Variants in BANK1 observed in about 807,000 individuals in gnomAD.
BANK1 encodes B cell scaffold protein with ankyrin repeats 1.
BANK1 carries 95 observed loss-of-function variants against 94.5 expected under a neutral mutation model. That is an observed-to-expected ratio of 1.00 (90% confidence interval 0.85 to 1.19). The LOEUF (loss-of-function observed/expected upper bound fraction) is 1.19, where lower values mean the gene tolerates loss of function less well. Ranked by LOEUF, BANK1 falls within the 50% of genes most tolerant of loss-of-function variation. The probability of loss-of-function intolerance (pLI) is 0.00; values close to 1 mark genes in which losing one functional copy is unlikely to be tolerated. For synonymous variants in BANK1, 334 were observed against 308.4 expected, an observed-to-expected ratio of 1.08 and a Z score of -0.87; for missense variants, 987 against 932.2, an observed-to-expected ratio of 1.06 and a Z score of -0.77.
At chr4:101,893,451 GC>G (rs1721952244) in intron 5 of BANK1, among the ~76,000 whole-genome samples, 1 of 151,888 alleles carries the variant, frequency 6.6e-6, no homozygotes, top group South Asian at 2.1e-4. Flanking sequence ...AATGTCAATG[GC>G]TAGATAATAT....
intron 11 of BANK1, among the ~76,000 whole-genome samples, chr4:102,058,190 T>G (rs1728292124): frequency 6.6e-6 from 1 of 152,120 alleles, no homozygotes; most frequent in African/African-American, 2.4e-5. Context: ...TAAATAATTT[T>G]AATGAAAAGC....
chr4:102,007,011 G>A (rs1326530755), intron 7 of BANK1, among the ~76,000 whole-genome samples: 1 of 137,508 alleles, frequency 7.3e-6, no homozygotes, highest in Non-Finnish European at 1.5e-5. Flanking sequence ...TAGTGAGCAA[G>A]TCAGAAAAAG....
intron 7 of BANK1, among the ~76,000 whole-genome samples, chr4:101,985,532 T>C (rs1283343892): frequency 6.6e-6 from 1 of 152,124 alleles, no homozygotes; most frequent in Non-Finnish European, 1.5e-5. Flanking sequence ...TTTCATAATA[T>C]TGGGTAAAGG....
At chr4:101,889,604 C>CAAAAAA (rs59341810) in intron 5 of BANK1, among the ~76,000 whole-genome samples, 12 of 54,920 alleles carry the variant, frequency 2.2e-4, no homozygotes, top group South Asian at 1.0e-3. Flanking sequence ...GACTCCGTCT[C>CAAAAAA]AAAAAAAAAA....
Position 101,896,925 on chromosome 4 carries a change from C to A in BANK1, c.1009+1515C>A, listed in dbSNP as rs1722101812. On this transcript the variant is annotated intron_variant, in intron 6 of 16. Transcript: ENST00000322953. The stretch of plus-strand genomic sequence containing the variant: ...ATAAATTTTGGTGCATCTATTAATA[C>A]AACCATCAGAAATTAATGTTATTGT... Among the ~76,000 whole-genome samples the A allele has an allele frequency of 2.6e-5, 4 of 152,022 alleles. No individual in the cohort carries two copies. The South Asian group carries it at 8.3e-4, about 32-fold the overall frequency.
intron 6 of BANK1, among the ~76,000 whole-genome samples, chr4:101,912,449 C>G (rs1722693857): frequency 6.6e-6 from 1 of 151,888 alleles, no homozygotes; most frequent in Non-Finnish European, 1.5e-5. Context: ...ATCTGCCTCA[C>G]TGTATTGGTC....
intron 7 of BANK1, among the ~76,000 whole-genome samples, chr4:101,968,084 C>G (rs1560657839): frequency 6.6e-6 from 1 of 151,874 alleles, no homozygotes; most frequent in Non-Finnish European, 1.5e-5. Flanking sequence ...ATTTCTTATC[C>G]ATGGAAGGTA....
chr4:101,941,742 T>C (rs1347895870), intron 7 of BANK1, among the ~76,000 whole-genome samples: 13 of 149,672 alleles, frequency 8.7e-5, no homozygotes, highest in Non-Finnish European at 1.9e-4. Context: ...GATGTGTGTG[T>C]ACACACACAC....
intron 10 of BANK1, among the ~76,000 whole-genome samples, chr4:102,038,305 C>T (rs1033612564): frequency 6.6e-6 from 1 of 152,122 alleles, no homozygotes; most frequent in African/African-American, 2.4e-5. Flanking sequence ...TTGATAATCA[C>T]TAAGCATGAA....
intron 7 of BANK1, among the ~76,000 whole-genome samples, chr4:101,942,814 A>T (rs181241185): frequency 2.0e-5 from 3 of 152,068 alleles, no homozygotes; most frequent in Admixed American, 1.3e-4. Flanking sequence ...TAAAAATAAA[A>T]TGTTTAATTC....
At chr4:101,922,423 G>A (rs1723029814) in intron 7 of BANK1, among the ~76,000 whole-genome samples, 1 of 151,666 alleles carries the variant, frequency 6.6e-6, no homozygotes, top group African/African-American at 2.4e-5. Flanking sequence ...TTTCTTATAA[G>A]TCTGGAAGCT....
intron 10 of BANK1, among the ~76,000 whole-genome samples, chr4:102,041,745 G>A (rs941186320): frequency 6.6e-6 from 1 of 151,912 alleles, no homozygotes; most frequent in Non-Finnish European, 1.5e-5. Context: ...CAGCTGTTCC[G>A]AATATAAGCC....
At chr4:101,956,750 C>G (rs548035055) in intron 7 of BANK1, among the ~76,000 whole-genome samples, 1 of 152,236 alleles carries the variant, frequency 6.6e-6, no homozygotes, top group South Asian at 2.1e-4. Context: ...AAAAAATGCT[C>G]CCTTGAAATT....
intron 7 of BANK1, among the ~76,000 whole-genome samples, chr4:101,947,614 G>A (rs1025338544): frequency 2.0e-5 from 3 of 151,340 alleles, no homozygotes; most frequent in Non-Finnish European, 4.4e-5. Context: ...TATTCTTTAT[G>A]ATTCATTAAT....
chr4:101,998,474 A>ACTAT (rs1725955208), intron 7 of BANK1, among the ~76,000 whole-genome samples: 1 of 152,200 alleles, frequency 6.6e-6, no homozygotes, highest in East Asian at 1.9e-4. Context: ...ATCCTTGTTA[A>ACTAT]CTATCTGTCT....
chr4:102,065,607 G>A (rs1728565113), intron 13 of BANK1, among the ~76,000 whole-genome samples: 1 of 151,990 alleles, frequency 6.6e-6, no homozygotes. Context: ...TGAGATGTTG[G>A]ATGTTGTTGA....
intron 7 of BANK1, among the ~76,000 whole-genome samples, chr4:101,930,782 C>G (rs1317341487): frequency 6.6e-6 from 1 of 151,478 alleles, no homozygotes; most frequent in Non-Finnish European, 1.5e-5. Flanking sequence ...CAGTGTAGCT[C>G]TACATGCTTT....
At chr4:101,880,572 A>G (rs1367021403) in intron 5 of BANK1, among the ~76,000 whole-genome samples, 2 of 152,098 alleles carry the variant, frequency 1.3e-5, no homozygotes, top group Non-Finnish European at 2.9e-5. Context: ...ATAGAAAAAA[A>G]ACTATCCTAA....
At chr4:101,885,593 A>G (rs1469349562) in intron 5 of BANK1, among the ~76,000 whole-genome samples, 1 of 152,160 alleles carries the variant, frequency 6.6e-6, no homozygotes, top group Non-Finnish European at 1.5e-5. Flanking sequence ...CATCTTATAC[A>G]ACTCCCTGTA....
Sources: allele counts gnomAD v4.1 joint callset (sites outside exome capture counted in the v4.1 genomes callset), GRCh38; gene constraint gnomAD v4.1.1; transcripts MANE v1.5; gene names NCBI Gene and HGNC (gene_info 2026-07-23, HGNC 2026-07-21).